HEPHL1: variants seen among roughly 807,000 people sequenced by gnomAD.
The protein encoded by HEPHL1 is hephaestin like 1.
A neutral mutation model predicts 122.0 loss-of-function variants in HEPHL1; 123 were observed. The observed-to-expected ratio is 1.01, with a 90% CI of 0.87 to 1.17. The LOEUF (loss-of-function observed/expected upper bound fraction) is 1.17. Ranked by LOEUF, HEPHL1 falls within the 50% of genes most tolerant of loss-of-function variation. HEPHL1 has a pLI of 0.00. For missense variants in HEPHL1, 1,452 were observed against 1,430.5 expected (o/e 1.01, Z -0.24); for synonymous variants, 527 against 508.9 (o/e 1.04, Z -0.48).
intron 2 of HEPHL1, among the ~76,000 whole-genome samples, chr11:94,062,566 CTG>C (rs1945994967): frequency 1.3e-5 from 2 of 151,796 alleles, no homozygotes; most frequent in South Asian, 2.1e-4. Flanking sequence ...TCTTGAATGA[CTG>C]TGTAAATGAA....
At chr11:94,049,627 A>AAG (rs1220496451) in intron 2 of HEPHL1, among the ~76,000 whole-genome samples, 4 of 151,624 alleles carry the variant, frequency 2.6e-5, no homozygotes, top group African/African-American at 9.7e-5. Context: ...GTAAAAAAAA[A>AAG]AAAAAAATCA....
At chr11:94,093,788 C>G (rs2134446382) in intron 13 of HEPHL1, 148 bp downstream of exon 13, 1 of 916,500 alleles carries the variant, frequency 1.1e-6, no homozygotes, top group Non-Finnish European at 1.6e-6. Flanking sequence ...TCTTCCTGCT[C>G]TACCATTATC....
intron 1 of HEPHL1, among the ~76,000 whole-genome samples, chr11:94,032,135 C>T (rs1023191468): frequency 6.6e-6 from 1 of 152,186 alleles, no homozygotes; most frequent in African/African-American, 2.4e-5. Context: ...CCACAGGTTG[C>T]AATTTTCTCC....
intron 18 of HEPHL1, 94 bp downstream of exon 18, chr11:94,111,159 C>A: frequency 1.0e-6 from 1 of 976,878 alleles, no homozygotes; most frequent in Non-Finnish European, 1.5e-6. Flanking sequence ...ATATAGCCCT[C>A]AACAAGCTCA....
intron 15 of HEPHL1, among the ~76,000 whole-genome samples, chr11:94,104,013 A>T (rs1946389911): frequency 6.6e-6 from 1 of 152,250 alleles, no homozygotes; most frequent in South Asian, 2.1e-4. Context: ...GGAAAATAAT[A>T]TGTCCACACT....
At chr11:94,036,781 G>C (rs1945728681) in intron 1 of HEPHL1, among the ~76,000 whole-genome samples, 1 of 149,986 alleles carries the variant, frequency 6.7e-6, no homozygotes, top group Admixed American at 6.7e-5. Flanking sequence ...GGAGGTTGCA[G>C]TGAGCCTAGA....
At position 94,067,620 on chromosome 11, in the gene HEPHL1, C is replaced by T. The variant is rs1369339728; in HGVS notation, c.933C>T (p.Asn311=). Residue 311 remains asparagine (N), a synonymous_variant, in exon 5 of 20, where the codon AAC becomes AAT. Transcript: ENST00000315765. The part of the protein sequence containing the change: ...IDIHSIYFYG[N]TFISRGHRTD... ...TCCATTCTATCTATTTCTATGGTAA[C>T]ACCTTCATCAGCAGAGGGCATCGGA... is the stretch of plus-strand genomic sequence containing the variant. 1 of 1,613,636 alleles carries T rather than the reference C, an allele frequency of 6.2e-7. No homozygotes were observed. Among genetic ancestry groups the T allele is most frequent in the East Asian group, 2.2e-5 (1 of 44,886 alleles).
In HEPHL1 at chr11:94,111,884, A is replaced by G. The variant is rs1169984336; in HGVS notation, c.3470A>G (p.Asp1157Gly). ...GTCCAGTCCTGTGCTCTCCCCACGG[A>G]TGCTCTGTGAACCATCTGGTCTCCC... is the stretch of plus-strand genomic sequence containing the variant. ...QQVQSCALPTDAL is the reference protein window; with the variant it reads ...QQVQSCALPTGAL The change falls in exon 20 of 20, where the codon GAT becomes GGT. Residue 1157 changes from aspartate to glycine, a missense_variant. Asp to Gly is a moderately conservative substitution (Grantham distance 94). Coordinates refer to ENST00000315765, the MANE Select transcript of HEPHL1 (RefSeq NM_001098672.2). 1.3e-6 allele frequency: 2 copies of G among 1,516,570 alleles called. No individual in the cohort carries two copies. Among genetic ancestry groups the G allele is most frequent in the South Asian group, 2.7e-5 (2 of 74,506 alleles). The allele number at this position is 1,516,570 out of a possible 1,614,324, so 93.9% of individuals were successfully genotyped here.
At chr11:94,099,841 C>T (rs372163353) in intron 13 of HEPHL1, among the ~76,000 whole-genome samples, 3 of 152,150 alleles carry the variant, frequency 2.0e-5, no homozygotes, top group African/African-American at 4.8e-5. Context: ...CCTGGTGTGC[C>T]GTTTGCTAAG....
rs1946017522 is a variant in HEPHL1, at chr11:94,064,482, T to C, written c.780T>C (p.Ala260=). ...TNPDSVDKKD[A]VFQRSNKMHA... is the part of the protein sequence containing the mutation. ...CTGATTCAGTTGACAAGAAAGATGC[T>C]GTTTTCCAGAGGAGTAACAAAATGC... The change falls in exon 4 of 20, where the codon GCT becomes GCC. Residue 260 remains alanine (A), a synonymous_variant. Coordinates refer to ENST00000315765, the MANE Select transcript of HEPHL1 (RefSeq NM_001098672.2). 1 of 1,613,214 alleles carries C rather than the reference T, an allele frequency of 6.2e-7. No individual in the cohort carries two copies. Among genetic ancestry groups the C allele is most frequent in the Admixed American group, 1.7e-5 (1 of 59,970 alleles).
At position 94,082,543 on chromosome 11, in the gene HEPHL1, GT is replaced by G. The variant is rs1157384599; in HGVS notation, c.1845del (p.Phe615LeufsTer2). ...TCAGCATTGACAAAGAAGATAAAGAGTTTGTGAAATCCAACCGAATGCATGG... is the reference window on the plus strand; with the variant it reads ...TCAGCATTGACAAAGAAGATAAAGAGTTGTGAAATCCAACCGAATGCATGG... ...PFSIDKEDKE[F>X]VKSNRMHAVN... On this transcript the variant is annotated frameshift_variant, in exon 10 of 20. Coordinates refer to ENST00000315765, the MANE Select transcript of HEPHL1 (RefSeq NM_001098672.2). LOFTEE classifies it high-confidence loss of function. The G allele has an allele frequency of 6.2e-7, 1 of 1,611,640 alleles. No homozygotes were observed. The highest frequency in any genetic ancestry group is 1.7e-5 in the Admixed American group (1 of 59,592).
chr11:94,048,637 C>T (rs1249311599), intron 2 of HEPHL1, among the ~76,000 whole-genome samples: 1 of 152,116 alleles, frequency 6.6e-6, no homozygotes, highest in Non-Finnish European at 1.5e-5. Context: ...GCAGGGATAA[C>T]AGTAATGAGC....
intron 1 of HEPHL1, among the ~76,000 whole-genome samples, chr11:94,044,417 G>C (rs1187905487): frequency 6.6e-6 from 1 of 152,150 alleles, no homozygotes; most frequent in Non-Finnish European, 1.5e-5. Context: ...CACTGCCATA[G>C]AAGGGTCCTT....
At chr11:94,064,584 C>T in intron 4 of HEPHL1, 74 bp downstream of exon 4, 1 of 1,014,284 alleles carries the variant, frequency 9.9e-7, no homozygotes, top group East Asian at 2.5e-5. Context: ...ATAAAAAATA[C>T]ACAGAAATGT....
Position 94,053,250 on chromosome 11 carries a change from G to T in HEPHL1, c.415+7333G>T, listed in dbSNP as rs374515013. ...ATCTCAGTTGTCTATTATTTTGGCA[G>T]AAAGTTGCCTATAATATTTCCTTAT... On this transcript the variant is annotated intron_variant, in intron 2 of 19. Coordinates refer to ENST00000315765, the MANE Select transcript of HEPHL1 (RefSeq NM_001098672.2). 7.5e-4 allele frequency among the ~76,000 whole-genome samples: 114 copies of T among 152,122 alleles called. 1 individual carries two copies. The South Asian group carries it at 0.015, about 20-fold the overall frequency.
intron 2 of HEPHL1, among the ~76,000 whole-genome samples, chr11:94,060,092 TTATA>T (rs1164147552): frequency 2.7e-3 from 7 of 2,604 alleles, no homozygotes; most frequent in African/African-American, 3.0e-3. Flanking sequence ...TCATATTTTA[TTATA>T]TATATATATA....
intron 13 of HEPHL1, among the ~76,000 whole-genome samples, chr11:94,095,541 G>A (rs2134447789): frequency 6.6e-6 from 1 of 152,278 alleles, no homozygotes; most frequent in African/African-American, 2.4e-5. Flanking sequence ...GAAAGTCATT[G>A]GTAGCTTGAT....
intron 11 of HEPHL1, among the ~76,000 whole-genome samples, chr11:94,088,289 A>G (rs1946234287): frequency 6.6e-6 from 1 of 152,200 alleles, no homozygotes; most frequent in South Asian, 2.1e-4. Flanking sequence ...AATAACACTT[A>G]CATATTTATT....
At chr11:94,075,462 A>G in intron 9 of HEPHL1, 77 bp downstream of exon 9, 1 of 1,083,980 alleles carries the variant, frequency 9.2e-7, no homozygotes, top group Non-Finnish European at 1.4e-6. Context: ...ACGAGACAGG[A>G]ATAGTCAGTT....
Sources: gnomAD v4.1 joint callset for allele counts (sites outside exome capture counted in the v4.1 genomes callset) on GRCh38, gnomAD v4.1.1 for gene constraint, MANE v1.5 for transcripts, NCBI Gene and HGNC (gene_info 2026-07-23, HGNC 2026-07-21) for gene names.